The following TAF1 variants were observed in gnomAD, a reference collection of about 807,000 sequenced individuals.
TAF1 encodes TATA-box binding protein associated factor 1.
In TAF1, 2 loss-of-function variants were observed where a neutral mutation model predicts 138.5. The observed-to-expected ratio is 0.01, with a 90% CI of 0.01 to 0.05. The LOEUF is 0.05. Among genes scored for constraint, TAF1 ranks in the 10% least tolerant of loss-of-function variants. The pLI is 1.00. For missense variants in TAF1, 709 were observed against 1,478.0 expected (o/e 0.48, Z 8.53); for synonymous variants, 437 against 503.2 (o/e 0.87, Z 1.76).
intron 13 of TAF1, 29 bp downstream of exon 13, chrX:71,384,164 C>A (rs185443967): frequency 8.3e-6 from 10 of 1,201,807 alleles, no homozygotes; most frequent in Non-Finnish European, 1.1e-5. Flanking sequence ...AATTTTTTTC[C>A]CATACATAAT....
At position 71,440,760 on chromosome X, in the gene TAF1, A is replaced by G. The variant is rs906411406; in HGVS notation, c.4754-13410A>G. Among the ~76,000 whole-genome samples, 3 of 111,181 alleles carry G rather than the reference A, an allele frequency of 2.7e-5. No homozygotes were observed. The Admixed American group carries it at 2.9e-4, about 11-fold the overall frequency. On this transcript the variant is annotated intron_variant, in intron 32 of 37. Coordinates refer to ENST00000423759, the MANE Select transcript of TAF1 (RefSeq NM_004606.5). ...TTTTTAAAATTTTAGCTGTTCTTCTATTGTGATTTTACTTGGCATTTTTCT... is the reference window on the plus strand; with the variant it reads ...TTTTTAAAATTTTAGCTGTTCTTCTGTTGTGATTTTACTTGGCATTTTTCT...
chrX:71,463,010 G>A (rs2038616569), intron 37 of TAF1, among the ~76,000 whole-genome samples: 1 of 111,702 alleles, frequency 9.0e-6, no homozygotes, highest in African/African-American at 3.2e-5. Flanking sequence ...ATACCATGTA[G>A]CTATTAAAAT....
At chrX:71,489,656 A>G (rs1300135878) in intron 13 of TAF1, among the ~76,000 whole-genome samples, 2 of 108,650 alleles carry the variant, frequency 1.8e-5, no homozygotes, top group Non-Finnish European at 1.9e-5. Flanking sequence ...AGACTGGGCA[A>G]CAAGAATGAA....
chrX:71,396,403 A>T (rs1465104638), intron 22 of TAF1, among the ~76,000 whole-genome samples: 1 of 104,442 alleles, frequency 9.6e-6, no homozygotes, highest in African/African-American at 3.5e-5. Context: ...GGCTCAAGGG[A>T]TCCTCCCACC....
intron 36 of TAF1, 141 bp downstream of exon 36, chrX:71,459,849 A>G: frequency 9.6e-7 from 1 of 1,037,640 alleles, no homozygotes; most frequent in Admixed American, 3.3e-5. Flanking sequence ...ACCTGAGAGT[A>G]CTGAGCACTC....
chrX:71,367,752 C>T, intron 2 of TAF1, 139 bp downstream of exon 2: 1 of 699,313 alleles, frequency 1.4e-6, no homozygotes, highest in Non-Finnish European at 2.1e-6. Flanking sequence ...CTGACTGCAG[C>T]CTCCGCCACC....
intron 25 of TAF1, among the ~76,000 whole-genome samples, chrX:71,403,900 GTTTTTTTTTTCTT>G (rs1430302034): frequency 1.4e-5 from 1 of 70,883 alleles, no homozygotes; most frequent in Non-Finnish European, 2.8e-5. Context: ...CAGATCCTGT[GTTTTTTTTTTCTT>G]TTTTTTTTTT....
intron 21 of TAF1, 103 bp downstream of exon 21, chrX:71,393,579 A>G: frequency 1.0e-6 from 1 of 974,452 alleles, no homozygotes; most frequent in Non-Finnish European, 1.4e-6. Context: ...TTGACTACCT[A>G]GGTAGTCAGA....
At chrX:71,494,130 T>C (rs1384660715) in intron 13 of TAF1, among the ~76,000 whole-genome samples, 4 of 111,493 alleles carry the variant, frequency 3.6e-5, no homozygotes, top group African/African-American at 6.5e-5. Flanking sequence ...TAAAACATTA[T>C]GAGATTTTTG....
chrX:71,503,645 T>C (rs2039564756), intron 13 of TAF1, among the ~76,000 whole-genome samples: 1 of 110,215 alleles, frequency 9.1e-6, no homozygotes, highest in Non-Finnish European at 1.9e-5. Context: ...TCTTGTCTAG[T>C]GGATTTGTAT....
At chrX:71,489,493 A>G (rs1022167473) in intron 13 of TAF1, among the ~76,000 whole-genome samples, 19 of 110,595 alleles carry the variant, frequency 1.7e-4, no homozygotes, top group Non-Finnish European at 3.8e-5. Flanking sequence ...CCTGACCAAC[A>G]TGGAGAAACC....
chrX:71,450,333 G>A (rs1380738341), intron 32 of TAF1, among the ~76,000 whole-genome samples: 1 of 110,368 alleles, frequency 9.1e-6, no homozygotes, highest in African/African-American at 3.3e-5. Flanking sequence ...CACCCGAGTA[G>A]CTGGGATTAC....
chrX:71,507,239 C>T (rs1448614429), intron 13 of TAF1, among the ~76,000 whole-genome samples: 1 of 111,390 alleles, frequency 9.0e-6, no homozygotes, highest in Non-Finnish European at 1.9e-5. Flanking sequence ...AATTTTACAT[C>T]AATTTTTTTT....
chrX:71,436,638 C>T (rs915478353), intron 32 of TAF1, among the ~76,000 whole-genome samples: 1 of 111,377 alleles, frequency 9.0e-6, no homozygotes, highest in Middle Eastern at 4.6e-3. Context: ...TAAGCCAATG[C>T]ACCTGGCCAA....
At chrX:71,421,795 A>G (rs1240122765) in intron 29 of TAF1, among the ~76,000 whole-genome samples, 5 of 112,384 alleles carry the variant, frequency 4.4e-5, no homozygotes, top group Non-Finnish European at 9.4e-5. Context: ...ATGATAATCT[A>G]TCTATATTCC....
intron 3 of TAF1, among the ~76,000 whole-genome samples, chrX:71,374,257 AT>A (rs2033309954): frequency 9.1e-6 from 1 of 109,466 alleles, no homozygotes; most frequent in East Asian, 2.9e-4. Context: ...TAGTTTTTGT[AT>A]TTTTGACAGA....
At chrX:71,429,688 G>C (rs2036780535) in intron 32 of TAF1, among the ~76,000 whole-genome samples, 1 of 110,851 alleles carries the variant, frequency 9.0e-6, no homozygotes, top group African/African-American at 3.3e-5. Flanking sequence ...GAATAAGACA[G>C]AGACCGGTAA....
At chrX:71,452,771 A>G (rs1166547090) in intron 32 of TAF1, among the ~76,000 whole-genome samples, 1 of 112,127 alleles carries the variant, frequency 8.9e-6, no homozygotes, top group African/African-American at 3.2e-5. Flanking sequence ...CCTGGGCACC[A>G]TTGAGCACTG....
chrX:71,458,540 A>G (rs1464899309), intron 35 of TAF1, among the ~76,000 whole-genome samples, 174 bp downstream of exon 35: 2 of 111,358 alleles, frequency 1.8e-5, no homozygotes, highest in Non-Finnish European at 3.8e-5. Flanking sequence ...AGGTCGTGTG[A>G]CTGGTGTTAT....
Sources: gnomAD v4.1 joint callset for allele counts (sites outside exome capture counted in the v4.1 genomes callset) on GRCh38, gnomAD v4.1.1 for gene constraint, MANE v1.5 for transcripts, NCBI Gene and HGNC (gene_info 2026-07-23, HGNC 2026-07-21) for gene names.